WAC: variants seen among roughly 807,000 people sequenced by gnomAD.
The protein encoded by WAC is WW domain containing adaptor with coiled-coil.
In WAC, 11 loss-of-function variants were observed where a neutral mutation model predicts 79.6. The observed-to-expected ratio is 0.14, with a 90% CI of 0.09 to 0.23. WAC has a LOEUF of 0.23. WAC is among the 10% of genes least tolerant of loss of function. The pLI is 1.00. For synonymous variants in WAC, 304 were observed against 276.9 expected (o/e 1.10, Z -0.97); for missense variants, 728 against 773.5 (o/e 0.94, Z 0.70).
At chr10:28,618,714 C>T (rs1589252432) in intron 13 of WAC, among the ~76,000 whole-genome samples, 3 of 152,128 alleles carry the variant, frequency 2.0e-5, no homozygotes, top group South Asian at 2.1e-4. Flanking sequence ...AATATTTTTA[C>T]GTTCATGGGA....
At chr10:28,570,343 T>C (rs996631227) in intron 3 of WAC, among the ~76,000 whole-genome samples, 4 of 152,244 alleles carry the variant, frequency 2.6e-5, no homozygotes, top group Non-Finnish European at 5.9e-5. Context: ...GCTATGCTTA[T>C]AATAGTTGTA....
chr10:28,585,888 CAGAA>C (rs1024339439), intron 4 of WAC, among the ~76,000 whole-genome samples: 1 of 151,978 alleles, frequency 6.6e-6, no homozygotes, highest in Admixed American at 6.6e-5. Context: ...CCAGTGAAGT[CAGAA>C]AGAATAAATA....
chr10:28,563,649 C>G (rs369238739), intron 3 of WAC, among the ~76,000 whole-genome samples: 8 of 151,026 alleles, frequency 5.3e-5, no homozygotes, highest in Admixed American at 2.6e-4. Flanking sequence ...GCGCGATCTC[C>G]GCTCACTGCA....
intron 3 of WAC, chr10:28,536,038 T>TC (rs1836650056): frequency 5.1e-6 from 1 of 194,726 alleles, no homozygotes; most frequent in South Asian, 1.3e-4. Flanking sequence ...GGTCAGGAGT[T>TC]CAAGACCAGC....
chr10:28,590,414 C>G (rs765612213), intron 5 of WAC, among the ~76,000 whole-genome samples: 2 of 150,816 alleles, frequency 1.3e-5, no homozygotes, highest in Non-Finnish European at 2.9e-5. Context: ...ATTTATGCAT[C>G]TTTAATTTTG....
In WAC at chr10:28,577,201, T is replaced by C. The variant is rs760138317; in HGVS notation, c.275-6198T>C. Among the ~76,000 whole-genome samples the C allele has an allele frequency of 1.1e-4, 16 of 152,206 alleles. 1 individual carries two copies. Among genetic ancestry groups the C allele is most frequent in the Non-Finnish European group, 1.5e-4 (10 of 68,036 alleles). ...ATACAGTTGGTAAATTGCAGAATGA[T>C]ATTATTATAAACTAAAGTTGTATTG... is the stretch of plus-strand genomic sequence containing the variant. On this transcript the variant is annotated intron_variant, in intron 3 of 13. Coordinates refer to ENST00000354911, the MANE Select transcript of WAC (RefSeq NM_016628.5).
chr10:28,587,082 C>G (rs980253372), intron 4 of WAC, among the ~76,000 whole-genome samples: 5 of 152,068 alleles, frequency 3.3e-5, no homozygotes, highest in African/African-American at 4.8e-5. Flanking sequence ...GGCAGTATAA[C>G]AAGACCTCAT....
At chr10:28,541,166 A>G (rs1836996586) in intron 3 of WAC, among the ~76,000 whole-genome samples, 1 of 152,044 alleles carries the variant, frequency 6.6e-6, no homozygotes, top group South Asian at 2.1e-4. Flanking sequence ...TTTTGGTGTA[A>G]CATACTTGGG....
intron 9 of WAC, chr10:28,611,496 C>A (rs1841234775): frequency 7.3e-7 from 1 of 1,376,458 alleles, no homozygotes; most frequent in East Asian, 3.4e-5. Flanking sequence ...GGAGGCCTTC[C>A]ATGTGAGATT....
At chr10:28,538,313 TG>T in intron 3 of WAC, 1 of 334,160 alleles carries the variant, frequency 3.0e-6, no homozygotes, top group Non-Finnish European at 6.4e-6. Flanking sequence ...GCCGGGTCAG[TG>T]GCTCACGCCG....
intron 10 of WAC, 91 bp from the exon 11 acceptor site, chr10:28,614,473 CACA>C: frequency 9.7e-7 from 1 of 1,026,936 alleles, no homozygotes; most frequent in Non-Finnish European, 1.5e-6. Flanking sequence ...ACTTGACTGC[CACA>C]TTTTACATGT....
chr10:28,583,549 T>C, intron 4 of WAC, 44 bp downstream of exon 4: 1 of 1,280,158 alleles, frequency 7.8e-7, no homozygotes, highest in Non-Finnish European at 1.0e-6. Flanking sequence ...TTGGAATTTT[T>C]TGCAAAAAAA....
rs191143685 is a variant in WAC at position 28,560,362 on chromosome 10, A to C, written c.275-23037A>C. Among the ~76,000 whole-genome samples the C allele has an allele frequency of 4.1e-4, 63 of 152,042 alleles. 1 individual carries two copies. In the East Asian group the frequency reaches 0.011, roughly 27 times the overall value. On this transcript the variant is annotated intron_variant, in intron 3 of 13. Transcript: ENST00000354911. ...GGCAACAAAGCGAGATCCTGTCGGG[A>C]GTTAGGAGTGTGTGTGGGGGGCACG...
intron 9 of WAC, chr10:28,611,497 A>G: frequency 2.2e-6 from 3 of 1,377,244 alleles, no homozygotes; most frequent in South Asian, 2.7e-5. Flanking sequence ...GAGGCCTTCC[A>G]TGTGAGATTA....
At chr10:28,555,238 T>C (rs953145689) in intron 3 of WAC, among the ~76,000 whole-genome samples, 3 of 152,102 alleles carry the variant, frequency 2.0e-5, no homozygotes, top group Non-Finnish European at 4.4e-5. Context: ...TCCTTGCAAG[T>C]GGCTCATGAG....
At chr10:28,617,546 G>C in intron 12 of WAC, 111 bp from the exon 13 acceptor site, 1 of 1,035,478 alleles carries the variant, frequency 9.7e-7, no homozygotes, top group South Asian at 2.4e-5. Flanking sequence ...GTATTGAAGG[G>C]AAAAGGATTA....
At chr10:28,581,118 G>T (rs1839510459) in intron 3 of WAC, among the ~76,000 whole-genome samples, 1 of 151,836 alleles carries the variant, frequency 6.6e-6, no homozygotes, top group Non-Finnish European at 1.5e-5. Flanking sequence ...TACTGGATTT[G>T]GTGAGTTATA....
At chr10:28,557,569 C>T (rs919984289) in intron 3 of WAC, among the ~76,000 whole-genome samples, 8 of 152,012 alleles carry the variant, frequency 5.3e-5, no homozygotes, top group African/African-American at 1.9e-4. Flanking sequence ...TGGTGTGCCC[C>T]TATGGTCTCA....
Position 28,619,682 on chromosome 10 carries a change from C to T in WAC, c.*76C>T. ...GCCCAATCTTAACATTTTTGAGCTG[C>T]ATTTAAGTAGACTTTGGACCGTTAA... On this transcript the variant is annotated 3_prime_UTR_variant, in exon 14 of 14. Coordinates refer to ENST00000354911, the MANE Select transcript of WAC (RefSeq NM_016628.5). 1 of 1,279,116 alleles carries T rather than the reference C, an allele frequency of 7.8e-7. No homozygotes were observed. The highest frequency in any genetic ancestry group is 1.1e-6 in the Non-Finnish European group (1 of 937,198). The allele number at this position is 1,279,116 out of a possible 1,614,324, so 79.2% of individuals were successfully genotyped here. A position where few individuals can be genotyped will look rare whatever the true frequency, so the allele number is the denominator to read the frequency against.
Sources: gnomAD v4.1 joint callset for allele counts (sites outside exome capture counted in the v4.1 genomes callset) on GRCh38, gnomAD v4.1.1 for gene constraint, MANE v1.5 for transcripts, NCBI Gene and HGNC (gene_info 2026-07-23, HGNC 2026-07-21) for gene names.